Variants in TRIM38 observed in about 807,000 individuals in gnomAD.
TRIM38 encodes E3 ubiquitin-protein ligase TRIM38.
A neutral mutation model predicts 35.8 loss-of-function variants in TRIM38; 35 were observed. The ratio of observed to expected loss-of-function variants is 0.98; its 90% CI spans 0.75 to 1.30. The LOEUF is 1.30. TRIM38 is among the 50% of genes most tolerant of loss of function. TRIM38 has a pLI of 0.00. For synonymous variants in TRIM38, 198 were observed against 204.7 expected (o/e 0.97, Z 0.28); for missense variants, 545 against 556.9 (o/e 0.98, Z 0.21).
In TRIM38 at chr6:25,988,722, C is replaced by T. The variant is rs1212731095; in HGVS notation, c.*5035C>T. ...CTCCTGGCCTCAAGCAATCCACCCACTTCGGCCTCCCAAAGTGAATGCATT... is the reference window on the plus strand; with the variant it reads ...CTCCTGGCCTCAAGCAATCCACCCATTTCGGCCTCCCAAAGTGAATGCATT... On this transcript the variant is annotated 3_prime_UTR_variant, in exon 8 of 8. Transcript: ENST00000357085. The T allele has an allele frequency of 6.6e-6, 1 of 152,074 alleles. No homozygotes were observed. Among genetic ancestry groups the T allele is most frequent in the Non-Finnish European group, 1.5e-5 (1 of 68,032 alleles). The allele number at this position is 152,074 out of a possible 1,614,324, so 9.4% of individuals were successfully genotyped here. A position where few individuals can be genotyped will look rare whatever the true frequency, so the allele number is the denominator to read the frequency against.
chr6:25,974,827 G>A, intron 7 of TRIM38: 1 of 917,686 alleles, frequency 1.1e-6, no homozygotes, highest in Non-Finnish European at 1.3e-6. Context: ...AGGAATTATA[G>A]ACCTGTGTTC....
chr6:25,976,327 G>T (rs1760390872), intron 7 of TRIM38, among the ~76,000 whole-genome samples: 1 of 152,100 alleles, frequency 6.6e-6, no homozygotes, highest in South Asian at 2.1e-4. Context: ...GAGTGCAATG[G>T]CCCCATCATG....
chr6:25,963,566 T>C (rs540497093), intron 2 of TRIM38, among the ~76,000 whole-genome samples: 3 of 152,284 alleles, frequency 2.0e-5, no homozygotes, highest in South Asian at 4.2e-4. Flanking sequence ...TGAACATGTC[T>C]CTTGAGATAG....
intron 7 of TRIM38, among the ~76,000 whole-genome samples, chr6:25,977,892 C>T (rs981504760): frequency 3.3e-5 from 5 of 152,052 alleles, no homozygotes; most frequent in African/African-American, 1.2e-4. Context: ...AAGTATGTCT[C>T]ATTGGAGACC....
At chr6:25,980,494 C>T (rs372940797) in intron 7 of TRIM38, among the ~76,000 whole-genome samples, 4 of 151,246 alleles carry the variant, frequency 2.6e-5, no homozygotes, top group African/African-American at 7.3e-5. Flanking sequence ...AATCTCAGCT[C>T]ACTGCAACCT....
Position 25,963,058 on chromosome 6 carries a change from C to T in TRIM38, c.-413C>T, listed in dbSNP as rs1308064135. 3 of 152,312 alleles carry T rather than the reference C, an allele frequency of 2.0e-5. No homozygotes were observed. Among genetic ancestry groups the T allele is most frequent in the African/African-American group, 7.2e-5 (3 of 41,380 alleles). 9.4% of individuals were successfully genotyped at this position (152,312 alleles called of 1,614,324 possible). A position where few individuals can be genotyped will look rare whatever the true frequency, so the allele number is the denominator to read the frequency against. On this transcript the variant is annotated 5_prime_UTR_variant, in exon 2 of 8. Coordinates refer to ENST00000357085, the MANE Select transcript of TRIM38 (RefSeq NM_006355.5). Reference sequence around the variant, plus strand: ...CTCTTTCTTTCACCAGACTTTACACCAAATCTCAGAAGATTCAGAACTTAG... The same window carrying T: ...CTCTTTCTTTCACCAGACTTTACACTAAATCTCAGAAGATTCAGAACTTAG...
At chr6:25,973,336 C>A (rs915238560) in intron 7 of TRIM38, 51 bp downstream of exon 7, 2 of 1,586,980 alleles carry the variant, frequency 1.3e-6, no homozygotes, top group African/African-American at 2.7e-5. Context: ...GGGCCTTATG[C>A]AGTAACCAAG....
chr6:25,968,152 T>G, intron 3 of TRIM38, among the ~76,000 whole-genome samples: 1 of 152,172 alleles, frequency 6.6e-6, no homozygotes, highest in Non-Finnish European at 1.5e-5. Flanking sequence ...TATTCTGTCC[T>G]CCATGAGGCA....
intron 5 of TRIM38, among the ~76,000 whole-genome samples, 177 bp downstream of exon 5, chr6:25,972,276 G>A (rs1760260248): frequency 6.6e-6 from 1 of 152,180 alleles, no homozygotes; most frequent in Non-Finnish European, 1.5e-5. Flanking sequence ...ATAAACTTCT[G>A]AGGGAACACA....
chr6:25,967,838 A>G (rs1364162746), intron 3 of TRIM38, among the ~76,000 whole-genome samples: 2 of 152,096 alleles, frequency 1.3e-5, no homozygotes, highest in Non-Finnish European at 1.5e-5. Flanking sequence ...CTACTGTGGC[A>G]TGTCTATGAT....
chr6:25,983,367 G>C lies in TRIM38; in HGVS notation c.1078G>C (p.Asp360His), dbSNP rs1760617759. 2 of 1,614,104 alleles carry C rather than the reference G, an allele frequency of 1.2e-6. No homozygotes were observed. The highest frequency in any genetic ancestry group is 1.3e-5 in the African/African-American group (1 of 75,030). Reference protein sequence around the residue: ...EVDVGEGTGWDLGVCMENVQR... With the variant: ...EVDVGEGTGWHLGVCMENVQR... ...GGATGTTGGCGAAGGAACCGGATGG[G>C]ATTTAGGAGTTTGTATGGAAAATGT... The change falls in exon 8 of 8, where the codon GAT becomes CAT. Residue 360 changes from aspartate to histidine, a missense_variant. Transcript: ENST00000357085.
In TRIM38 at chr6:25,971,454, C is replaced by T. The variant is rs1025184359; in HGVS notation, c.508-415C>T. ...TGTTTGTGTGAAAATATATATAACA[C>T]TTAAGCATTTAACCACTTTTAAGTA... On this transcript the variant is annotated intron_variant, in intron 4 of 7. Coordinates refer to ENST00000357085, the MANE Select transcript of TRIM38 (RefSeq NM_006355.5). 2.0e-5 allele frequency among the ~76,000 whole-genome samples: 3 copies of T among 152,096 alleles called. No individual in the cohort carries two copies. In the East Asian group the frequency reaches 5.8e-4, roughly 29 times the overall value.
rs964424177 is a variant in TRIM38 at position 25,990,024 on chromosome 6, T to C, written c.*6337T>C. 1 of 151,906 alleles carries C rather than the reference T, an allele frequency of 6.6e-6. No homozygotes were observed. Among genetic ancestry groups the C allele is most frequent in the Non-Finnish European group, 1.5e-5 (1 of 67,992 alleles). 9.4% of individuals were successfully genotyped at this position (151,906 alleles called of 1,614,324 possible). ...TTTATCATCCTTTTTTTTTTTTTCT[T>C]TCTTCCTTTTTAGATACAGGGTCTC... On this transcript the variant is annotated 3_prime_UTR_variant, in exon 8 of 8. Transcript: ENST00000357085.
At chr6:25,978,091 T>C (rs1018260840) in intron 7 of TRIM38, among the ~76,000 whole-genome samples, 2 of 152,010 alleles carry the variant, frequency 1.3e-5, no homozygotes, top group Non-Finnish European at 2.9e-5. Context: ...TATATATATA[T>C]ACACATACAC....
rs138652245 is a variant in TRIM38, at chr6:25,988,654, C to T, written c.*4967C>T. 5.1e-3 allele frequency: 779 copies of T among 151,932 alleles called. 6 individuals are homozygous for T. The highest frequency in any genetic ancestry group is 0.014 in the Middle Eastern group (4 of 294). The allele number at this position is 151,932 out of a possible 1,614,324, so 9.4% of individuals were successfully genotyped here. On this transcript the variant is annotated 3_prime_UTR_variant, in exon 8 of 8. Transcript: ENST00000357085. ...GATTACAGGCTCACGCCACTATGCCCGGCTAATTGGGGTTTTCCCATGTTG... is the reference window on the plus strand; with the variant it reads ...GATTACAGGCTCACGCCACTATGCCTGGCTAATTGGGGTTTTCCCATGTTG...
chr6:25,989,642 C>T lies in TRIM38; in HGVS notation c.*5955C>T, dbSNP rs1349284358. ...GTACTGGGATTACAGGCATAAGTCA[C>T]CACGCTCAGCCATCTGGTATTCTTT... On this transcript the variant is annotated 3_prime_UTR_variant, in exon 8 of 8. Transcript: ENST00000357085. The T allele has an allele frequency of 6.6e-6, 1 of 150,958 alleles. No individual in the cohort carries two copies. Among genetic ancestry groups the T allele is most frequent in the Non-Finnish European group, 1.5e-5 (1 of 67,770 alleles). 9.4% of individuals were successfully genotyped at this position (150,958 alleles called of 1,614,324 possible).
At chr6:25,968,307 C>T (rs1760124575) in intron 3 of TRIM38, among the ~76,000 whole-genome samples, 1 of 152,076 alleles carries the variant, frequency 6.6e-6, no homozygotes, top group South Asian at 2.1e-4. Flanking sequence ...ACTTTTCCAC[C>T]AAGTAGTAAG....
At position 25,983,554 on chromosome 6, in the gene TRIM38, T is replaced by A; in HGVS notation, c.1265T>A (p.Val422Asp). Residue 422 changes from valine to aspartate, a missense_variant, in exon 8 of 8, where the codon GTT becomes GAT. By Grantham distance (152) the Val-to-Asp change is radical. Transcript: ENST00000357085. ...VGIFLDYEAG[V>D]VSFYNGNTGC... ...ATTTTTCTGGACTATGAGGCCGGAG[T>A]TGTATCCTTTTATAACGGGAATACT... 6.2e-7 allele frequency: 1 copy of A among 1,613,916 alleles called. No individual in the cohort carries two copies. The highest frequency in any genetic ancestry group is 8.5e-7 in the Non-Finnish European group (1 of 1,179,992).
Position 25,983,328 on chromosome 6 carries a change from C to A in TRIM38, c.1039C>A (p.Arg347Ser), listed in dbSNP as rs1237865581. 4 of 1,614,000 alleles carry A rather than the reference C, an allele frequency of 2.5e-6. No homozygotes were observed. The highest frequency in any genetic ancestry group is 3.4e-6 in the Non-Finnish European group (4 of 1,179,998). The change falls in exon 8 of 8, where the codon CGT becomes AGT. Residue 347 changes from arginine (R) to serine (S), a missense_variant. Arg to Ser is a moderately radical substitution (Grantham distance 110). Transcript: ENST00000357085. ...LGCEGFTSGR[R>S]YFEVDVGEGT... Reference sequence around the variant, plus strand: ...TTGTGAAGGCTTCACCTCAGGAAGACGTTACTTTGAAGTGGATGTTGGCGA... The same window carrying A: ...TTGTGAAGGCTTCACCTCAGGAAGAAGTTACTTTGAAGTGGATGTTGGCGA...
Sources: gnomAD v4.1 joint callset for allele counts (sites outside exome capture counted in the v4.1 genomes callset) on GRCh38, gnomAD v4.1.1 for gene constraint, MANE v1.5 for transcripts, NCBI Gene and HGNC (gene_info 2026-07-23, HGNC 2026-07-21) for gene names.